COBL: variants seen among roughly 807,000 people sequenced by gnomAD.
The protein encoded by COBL is protein cordon-bleu.
COBL carries 51 observed loss-of-function variants against 98.8 expected under a neutral mutation model. The ratio of observed to expected loss-of-function variants is 0.52; its 90% confidence interval spans 0.41 to 0.65. The LOEUF is 0.65. Ranked by LOEUF, COBL falls within the 30% of genes least tolerant of loss-of-function variation. The pLI, the probability that COBL is intolerant of heterozygous loss-of-function variation, is 0.00. For missense variants in COBL, 1,617 were observed against 1,617.5 expected, an observed-to-expected ratio of 1.00 and a Z score of 0.01; for synonymous variants, 634 against 651.7, an observed-to-expected ratio of 0.97 and a Z score of 0.41.
intron 6 of COBL, among the ~76,000 whole-genome samples, chr7:51,114,370 GAA>G (rs34595332): frequency 7.0e-6 from 1 of 143,750 alleles, no homozygotes; most frequent in African/African-American, 2.6e-5. Context: ...ACGTACTCCA[GAA>G]AAAAAAAAAA....
chr7:51,097,208 T>A (rs1314310107), intron 6 of COBL, among the ~76,000 whole-genome samples: 2 of 152,136 alleles, frequency 1.3e-5, no homozygotes, highest in Non-Finnish European at 2.9e-5. Flanking sequence ...CAATGTAATA[T>A]GCCACAGTGA....
rs750983190 is a variant in COBL at position 51,136,335 on chromosome 7, T to C, written c.784-4A>G. The stretch of plus-strand genomic sequence containing the variant: ...AGTTGGGGGTCGTTAAACAGCCCTG[T>C]TGGGGAAGAGACAAACAGAAAACCA... On this transcript the variant is annotated splice_region_variant and splice_polypyrimidine_tract_variant and intron_variant, in intron 5 of 12. Transcript: ENST00000265136. 6.2e-7 allele frequency: 1 copy of C among 1,608,732 alleles called. No individual in the cohort carries two copies. The highest frequency in any genetic ancestry group is 1.1e-5 in the South Asian group (1 of 90,210).
intron 7 of COBL, among the ~76,000 whole-genome samples, chr7:51,054,229 C>T (rs1050620591): frequency 6.6e-6 from 1 of 152,128 alleles, no homozygotes; most frequent in Admixed American, 6.5e-5. Flanking sequence ...AAAAAGGAAA[C>T]TTTTCGCTTT....
chr7:51,027,966 G>A lies in COBL; in HGVS notation c.3130C>T (p.Pro1044Ser). The A allele has an allele frequency of 6.2e-7, 1 of 1,608,214 alleles. No individual in the cohort carries two copies. The highest frequency in any genetic ancestry group is 8.5e-7 in the Non-Finnish European group (1 of 1,176,788). The change falls in exon 10 of 13, where the codon CCA becomes TCA. Residue 1044 changes from proline to serine, a missense_variant. Physicochemically the swap from Pro to Ser is moderately conservative, Grantham distance 74 (BLOSUM62 -1). Transcript: ENST00000265136. ...RELVNGSVRA[P>S]GHGEPSHPPG... ...GGGTGGGAAGGCTCGCCGTGGCCTG[G>A]GGCGCGCACAGAGCCATTGACCAGC...
intron 5 of COBL, among the ~76,000 whole-genome samples, chr7:51,152,222 G>T (rs993225527): frequency 6.6e-6 from 1 of 152,214 alleles, no homozygotes; most frequent in Non-Finnish European, 1.5e-5. Flanking sequence ...GCGCTCCAGA[G>T]ACAGCTGTTC....
chr7:51,064,543 T>C (rs182712362), intron 7 of COBL: 4 of 152,486 alleles, frequency 2.6e-5, no homozygotes, highest in African/African-American at 9.6e-5. Flanking sequence ...AATTCTGTTA[T>C]ATGCTACAAT....
At chr7:51,057,735 T>A (rs1790908686) in intron 7 of COBL, among the ~76,000 whole-genome samples, 1 of 152,092 alleles carries the variant, frequency 6.6e-6, no homozygotes, top group African/African-American at 2.4e-5. Context: ...CAGAAAACAC[T>A]CACCTCAGCA....
At chr7:51,141,617 T>A (rs1040806067) in intron 5 of COBL, among the ~76,000 whole-genome samples, 1 of 151,784 alleles carries the variant, frequency 6.6e-6, no homozygotes, top group Non-Finnish European at 1.5e-5. Context: ...CTGCCCCCTT[T>A]TGAAAGGCTT....
At chr7:51,305,083 G>A (rs934086181) in intron 1 of COBL, among the ~76,000 whole-genome samples, 4 of 152,196 alleles carry the variant, frequency 2.6e-5, no homozygotes, top group African/African-American at 9.7e-5. Context: ...AACAAAGAGG[G>A]ACATAAGCTG....
intron 1 of COBL, among the ~76,000 whole-genome samples, chr7:51,229,562 G>A (rs780115682): frequency 2.6e-5 from 4 of 152,172 alleles, no homozygotes; most frequent in Admixed American, 6.5e-5. Flanking sequence ...AATTATTCCC[G>A]GAGAGCCAAG....
intron 5 of COBL, among the ~76,000 whole-genome samples, chr7:51,150,448 A>G (rs1308090354): frequency 6.6e-6 from 1 of 152,178 alleles, no homozygotes; most frequent in Non-Finnish European, 1.5e-5. Flanking sequence ...TCAGTGTTTC[A>G]GGAAGCTCCC....
intron 5 of COBL, among the ~76,000 whole-genome samples, chr7:51,145,650 A>C (rs1784960178): frequency 6.6e-6 from 1 of 152,150 alleles, no homozygotes; most frequent in South Asian, 2.1e-4. Flanking sequence ...AAGTGCTGGG[A>C]TAACAGGAGT....
At chr7:51,131,046 A>G (rs1798689967) in intron 6 of COBL, among the ~76,000 whole-genome samples, 1 of 152,236 alleles carries the variant, frequency 6.6e-6, no homozygotes, top group African/African-American at 2.4e-5. Flanking sequence ...ATTTTGGGTT[A>G]TACTAATAAC....
chr7:51,135,596 C>T (rs142974958), intron 6 of COBL, among the ~76,000 whole-genome samples: 41 of 152,258 alleles, frequency 2.7e-4, no homozygotes, highest in African/African-American at 8.7e-4. Context: ...TCAGGAGGCA[C>T]AGACTTAGTT....
chr7:51,088,940 G>T (rs190981080), intron 6 of COBL, among the ~76,000 whole-genome samples: 2 of 152,336 alleles, frequency 1.3e-5, no homozygotes, highest in Non-Finnish European at 1.5e-5. Context: ...ACTTGGTTGT[G>T]CCTGATGTCC....
At chr7:51,158,193 T>G (rs1213485637) in intron 5 of COBL, among the ~76,000 whole-genome samples, 1 of 152,184 alleles carries the variant, frequency 6.6e-6, no homozygotes, top group Non-Finnish European at 1.5e-5. Context: ...GTTTATTTAT[T>G]ATTCTTTTTA....
chr7:51,038,993 G>T (rs542568362), intron 8 of COBL, among the ~76,000 whole-genome samples: 1 of 134,022 alleles, frequency 7.5e-6, no homozygotes, highest in East Asian at 2.5e-4. Flanking sequence ...TGGAAACCAG[G>T]TATAGGGGGT....
At chr7:51,084,210 C>T (rs1168449041) in intron 7 of COBL, among the ~76,000 whole-genome samples, 1 of 152,140 alleles carries the variant, frequency 6.6e-6, no homozygotes, top group African/African-American at 2.4e-5. Context: ...GGAGCTCTCA[C>T]TAAAGGTCCA....
intron 6 of COBL, among the ~76,000 whole-genome samples, chr7:51,120,591 T>C (rs1423027533): frequency 6.6e-6 from 1 of 152,190 alleles, no homozygotes; most frequent in Non-Finnish European, 1.5e-5. Context: ...AAAACTCTTT[T>C]CATCTTGTAA....
Sources: allele counts gnomAD v4.1 joint callset (sites outside exome capture counted in the v4.1 genomes callset), GRCh38; gene constraint gnomAD v4.1.1; transcripts MANE v1.5; gene names NCBI Gene and HGNC (gene_info 2026-07-23, HGNC 2026-07-21).